MYH9: variants seen among roughly 807,000 people sequenced by gnomAD.
MYH9 encodes myosin-9.
MYH9 carries 29 observed loss-of-function variants against 241.9 expected under a neutral mutation model. The ratio of observed to expected loss-of-function variants is 0.12; its 90% CI spans 0.09 to 0.16. The LOEUF is 0.16. Among genes scored for constraint, MYH9 ranks in the 10% least tolerant of loss-of-function variants. The pLI, the probability that MYH9 is intolerant of heterozygous loss-of-function variation, is 1.00. For missense variants in MYH9, 1,803 were observed against 2,595.5 expected (o/e 0.69, Z 6.63); for synonymous variants, 1,047 against 1,062.6 (o/e 0.99, Z 0.29).
Position 36,284,195 on chromosome 22 carries a change from C to A in MYH9, c.5663G>T (p.Arg1888Leu). 1 of 1,613,672 alleles carries A rather than the reference C, an allele frequency of 6.2e-7. No homozygotes were observed. The highest frequency in any genetic ancestry group is 8.5e-7 in the Non-Finnish European group (1 of 1,179,862). ...QLEEAEEEAQRANASRRKLQR... is the reference protein window; with the variant it reads ...QLEEAEEEAQLANASRRKLQR... Reference sequence around the variant, plus strand: ...CAGTTTCCGGCGGGAGGCGTTGGCCCGCTGGGCCTCCTCTTCGGCCTCCTC... The same window carrying A: ...CAGTTTCCGGCGGGAGGCGTTGGCCAGCTGGGCCTCCTCTTCGGCCTCCTC... The change falls in exon 40 of 41, where the codon CGG (arginine) becomes CTG (leucine). Residue 1888 changes from arginine (R) to leucine (L), a missense_variant. By Grantham distance (102) the Arg-to-Leu change is moderately radical. Transcript: ENST00000216181.
chr22:36,348,636 A>G (rs546718711), intron 2 of MYH9, among the ~76,000 whole-genome samples: 13 of 152,332 alleles, frequency 8.5e-5, no homozygotes, highest in South Asian at 6.2e-4. Flanking sequence ...TCCCTCAGAC[A>G]GGGCCATATT....
chr22:36,291,867 G>T, intron 31 of MYH9, 119 bp downstream of exon 31: 8 of 1,481,126 alleles, frequency 5.4e-6, no homozygotes, highest in Non-Finnish European at 7.4e-6. Flanking sequence ...CACTGGCCCC[G>T]CACGGCCCCT....
chr22:36,335,917 A>G (rs1315073898), intron 3 of MYH9, among the ~76,000 whole-genome samples: 2 of 152,184 alleles, frequency 1.3e-5, no homozygotes, highest in Non-Finnish European at 2.9e-5. Context: ...AGATACACAA[A>G]AATTCTACCC....
chr22:36,324,119 G>C (rs541764879), intron 5 of MYH9, among the ~76,000 whole-genome samples: 2 of 152,246 alleles, frequency 1.3e-5, no homozygotes, highest in Non-Finnish European at 2.9e-5. Flanking sequence ...GCCTGTGCTC[G>C]CCCTGGCTGG....
intron 1 of MYH9, among the ~76,000 whole-genome samples, chr22:36,360,050 A>ACCACCC (rs2017914443): frequency 8.2e-6 from 1 of 121,294 alleles, no homozygotes; most frequent in African/African-American, 3.0e-5. Flanking sequence ...CACCACCACC[A>ACCACCC]CCACCACCAC....
chr22:36,321,104 C>A (rs1461734600), intron 7 of MYH9, among the ~76,000 whole-genome samples: 1 of 152,124 alleles, frequency 6.6e-6, no homozygotes, highest in Non-Finnish European at 1.5e-5. Context: ...AGGCGCCCAC[C>A]ACCACACCCA....
chr22:36,301,568 T>C lies in MYH9; in HGVS notation c.2597A>G (p.Asn866Ser), dbSNP rs1268708387. ...CAGCGTCTCCATCTCCGTGAGCCTG[T>C]TCTCCGCAGCCAGCTGCTTCTCTCT... ...KVREKQLAAE[N>S]RLTEMETLQS... Residue 866 changes from asparagine to serine, a missense_variant, in exon 21 of 41, where the codon AAC becomes AGC. Physicochemically the swap from Asn to Ser is conservative, Grantham distance 46. Around this residue, in one of 11 missense-constraint regions of MYH9, gnomAD observed 290 missense variants for 360.5 expected, o/e 0.80. Transcript: ENST00000216181. 6.2e-7 allele frequency: 1 copy of C among 1,613,950 alleles called. No homozygotes were observed. Among genetic ancestry groups the C allele is most frequent in the Non-Finnish European group, 8.5e-7 (1 of 1,180,032 alleles).
Position 36,341,543 on chromosome 22 carries a change from C to A in MYH9, c.334-17G>T, listed in dbSNP as rs1603483869. 2 of 1,612,794 alleles carry A rather than the reference C, an allele frequency of 1.2e-6. No homozygotes were observed. The highest frequency in any genetic ancestry group is 1.7e-6 in the Non-Finnish European group (2 of 1,179,716). ...TGAATAGGTCTAAAGAAAAGAGCGG[C>A]AGATAGGAACAGGTTAGGAAGTTTG... On this transcript the variant is annotated splice_polypyrimidine_tract_variant and intron_variant, in intron 2 of 40. Coordinates refer to ENST00000216181, the MANE Select transcript of MYH9 (RefSeq NM_002473.6).
Position 36,293,669 on chromosome 22 carries a change from G to T in MYH9, c.3942+90C>A. ...ATGAAGCAGATGAAGGAGAGGATGG[G>T]CAATCCGATGGGCTCTGAAGCTAAT... On this transcript the variant is annotated intron_variant, in intron 29 of 40. Transcript: ENST00000216181. This position sits in a 1 kb window ranked among gnomAD's most constrained non-coding sequence, Gnocchi z 5.1. The T allele has an allele frequency of 7.4e-7, 1 of 1,351,560 alleles. No individual in the cohort carries two copies. Among genetic ancestry groups the T allele is most frequent in the Non-Finnish European group, 1.0e-6 (1 of 958,782 alleles). 83.7% of individuals were successfully genotyped at this position (1,351,560 alleles called of 1,614,324 possible). A position where few individuals can be genotyped will look rare whatever the true frequency, so the allele number is the denominator to read the frequency against.
chr22:36,285,329 T>C lies in MYH9; in HGVS notation c.5275A>G (p.Ile1759Val). 1.2e-6 allele frequency: 2 copies of C among 1,608,180 alleles called. No homozygotes were observed. The highest frequency in any genetic ancestry group is 1.1e-5 in the South Asian group (1 of 91,088). ...TTCAGGTCGGTGTTGATCTGGTCGA[T>C]CTGCAGAAGAAGGGCCAGTGACCTT... The part of the protein sequence containing the change: ...NDRLKKANLQ[I>V]DQINTDLNLE... Residue 1759 changes from isoleucine to valine, a missense_variant and splice_region_variant, in exon 38 of 41, where the codon ATC (isoleucine) becomes GTC (valine). Coordinates refer to ENST00000216181, the MANE Select transcript of MYH9 (RefSeq NM_002473.6). The surrounding 1 kb of genome is among the most constrained non-coding windows in gnomAD (Gnocchi z 7.0).
At chr22:36,351,711 G>C (rs2017767791) in intron 1 of MYH9, among the ~76,000 whole-genome samples, 1 of 151,972 alleles carries the variant, frequency 6.6e-6, no homozygotes, top group Non-Finnish European at 1.5e-5. Flanking sequence ...ACAGAACACA[G>C]GTCTCAGGCT....
chr22:36,334,228 G>A (rs1264990530), intron 3 of MYH9, among the ~76,000 whole-genome samples: 1 of 152,222 alleles, frequency 6.6e-6, no homozygotes, highest in Non-Finnish European at 1.5e-5. Context: ...CTCATGCTGG[G>A]GCCGGGCTTT....
rs2017394098 is a variant in MYH9, at chr22:36,329,794, G to GAC, written c.491-2308_491-2307dup. On this transcript the variant is annotated intron_variant, in intron 3 of 40. Coordinates refer to ENST00000216181, the MANE Select transcript of MYH9 (RefSeq NM_002473.6). The surrounding 1 kb of genome is among the most constrained non-coding windows in gnomAD (Gnocchi z 4.1). ...AGGCGCACGCACGCACAAGGGCATGGACACACACATAGACACGCAAGCATC... is the reference window on the plus strand; with the variant it reads ...AGGCGCACGCACGCACAAGGGCATGGACACACACACATAGACACGCAAGCATC... Among the ~76,000 whole-genome samples the GAC allele has an allele frequency of 6.6e-6, 1 of 152,160 alleles. No individual in the cohort carries two copies. Among genetic ancestry groups the GAC allele is most frequent in the Non-Finnish European group, 1.5e-5 (1 of 68,030 alleles).
chr22:36,282,839 G>A, intron 40 of MYH9, 54 bp from the exon 41 acceptor site: 2 of 1,468,464 alleles, frequency 1.4e-6, no homozygotes, highest in African/African-American at 1.4e-5. Flanking sequence ...GCCAGGGGCG[G>A]CCACAGCACA....
At position 36,327,640 on chromosome 22, in the gene MYH9, G is replaced by A. The variant is rs186210493; in HGVS notation, c.491-152C>T. 3.6e-4 allele frequency: 332 copies of A among 923,920 alleles called. 1 individual carries two copies. In the African/African-American group the frequency reaches 5.0e-3, roughly 14 times the overall value. 57.2% of individuals were successfully genotyped at this position (923,920 alleles called of 1,614,324 possible). On this transcript the variant is annotated intron_variant, in intron 3 of 40. Transcript: ENST00000216181. ...CGCAGTCTACCCTCACACCTGGCTAGGAGGAGCATCTTCGGGGGAGAGTGC... is the reference window on the plus strand; with the variant it reads ...CGCAGTCTACCCTCACACCTGGCTAAGAGGAGCATCTTCGGGGGAGAGTGC...
chr22:36,366,184 T>A (rs1440730146), intron 1 of MYH9, among the ~76,000 whole-genome samples: 1 of 151,826 alleles, frequency 6.6e-6, no homozygotes, highest in Non-Finnish European at 1.5e-5. Context: ...CGAGACTCCA[T>A]CTCAAAAATA....
intron 1 of MYH9, among the ~76,000 whole-genome samples, chr22:36,387,526 G>A (rs1041139235): frequency 3.3e-5 from 5 of 151,790 alleles, no homozygotes; most frequent in Non-Finnish European, 1.5e-5. Context: ...GACCGCGCCG[G>A]GGGACACGGG....
At chr22:36,352,727 G>C (rs2017787716) in intron 1 of MYH9, among the ~76,000 whole-genome samples, 1 of 152,196 alleles carries the variant, frequency 6.6e-6, no homozygotes, top group South Asian at 2.1e-4. Context: ...CTTGCAAGAG[G>C]AAGAGAGAAT....
At chr22:36,314,049 ACCT>A in intron 13 of MYH9, 93 bp downstream of exon 13, 1 of 1,460,602 alleles carries the variant, frequency 6.8e-7, no homozygotes, top group Non-Finnish European at 9.6e-7. Context: ...GAGTTAAGAC[ACCT>A]CCACAACCAA....
Sources: allele counts gnomAD v4.1 joint callset (sites outside exome capture counted in the v4.1 genomes callset), GRCh38; gene constraint gnomAD v4.1.1; regional missense constraint gnomAD v4.1.1; non-coding constraint Gnocchi (gnomAD v3.1); transcripts MANE v1.5; gene names NCBI Gene and HGNC (gene_info 2026-07-23, HGNC 2026-07-21).